PCDHGA6: variants seen among roughly 807,000 people sequenced by gnomAD.
PCDHGA6 encodes protocadherin gamma-A6.
A neutral mutation model predicts 60.6 loss-of-function variants in PCDHGA6; 41 were observed. That is an observed-to-expected ratio of 0.68 (90% CI 0.53 to 0.88). The LOEUF is 0.88. Ranked by LOEUF, PCDHGA6 falls within the 40% of genes least tolerant of loss-of-function variation. The pLI, the probability that PCDHGA6 is intolerant of heterozygous loss-of-function variation, is 0.00. For missense variants in PCDHGA6, 1,312 were observed against 1,203.0 expected, an observed-to-expected ratio of 1.09 and a Z score of -1.34; for synonymous variants, 594 against 524.4, an observed-to-expected ratio of 1.13 and a Z score of -1.81.
intron 1 of PCDHGA6, among the ~76,000 whole-genome samples, chr5:141,459,613 C>T (rs1040874685): frequency 2.6e-5 from 4 of 152,188 alleles, no homozygotes; most frequent in African/African-American, 9.7e-5. Context: ...ATATGCTTAA[C>T]TTTATAAGAA....
intron 1 of PCDHGA6, chr5:141,379,119 T>G (rs1179184154): frequency 6.6e-6 from 1 of 152,346 alleles, no homozygotes; most frequent in Admixed American, 6.5e-5. Flanking sequence ...AGAAGATACC[T>G]TGAAAATAAA....
intron 1 of PCDHGA6, among the ~76,000 whole-genome samples, chr5:141,439,495 C>A (rs142329128): frequency 6.6e-6 from 1 of 152,206 alleles, no homozygotes; most frequent in Non-Finnish European, 1.5e-5. Context: ...CAGTGAGAAA[C>A]GTCTTTCTCT....
intron 2 of PCDHGA6, 70 bp downstream of exon 2, chr5:141,494,935 G>T (rs1456805368): frequency 2.5e-6 from 4 of 1,612,364 alleles, no homozygotes; most frequent in African/African-American, 1.3e-5. Context: ...GGGAGGAGAT[G>T]GGGGAGGGCC....
At chr5:141,458,907 A>AT (rs759653270) in intron 1 of PCDHGA6, among the ~76,000 whole-genome samples, 1 of 151,752 alleles carries the variant, frequency 6.6e-6, no homozygotes, top group Non-Finnish European at 1.5e-5. Context: ...AATTTTTTCT[A>AT]TTTTTTGTGG....
In PCDHGA6 at chr5:141,490,108, C is replaced by A; in HGVS notation, c.2425-4699C>A. The A allele has an allele frequency of 6.2e-7, 1 of 1,614,244 alleles. No homozygotes were observed. The highest frequency in any genetic ancestry group is 8.5e-7 in the Non-Finnish European group (1 of 1,180,034). On this transcript the variant is annotated intron_variant, in intron 1 of 3. Transcript: ENST00000517434. This position sits in a 1 kb window ranked among gnomAD's most constrained non-coding sequence, Gnocchi z 5.4. The stretch of plus-strand genomic sequence containing the variant: ...TGGAGACCACACATCTGAGGCAGTG[C>A]GGAACCTCTTTGGCCTAGACCCTAG...
intron 1 of PCDHGA6, chr5:141,417,389 A>C (rs578088616): frequency 2.5e-4 from 39 of 154,566 alleles, no homozygotes; most frequent in Admixed American, 4.5e-4. Flanking sequence ...ATTTTGAAGA[A>C]AAAATATTCA....
rs779735897 is a variant in PCDHGA6 at position 141,422,336 on chromosome 5, TA to T, written c.2424+45832del. 34 of 1,550,032 alleles carry T rather than the reference TA, an allele frequency of 2.2e-5. No individual in the cohort carries two copies. The East Asian group carries it at 7.2e-4, about 33-fold the overall frequency. On this transcript the variant is annotated intron_variant, in intron 1 of 3. Coordinates refer to ENST00000517434, the MANE Select transcript of PCDHGA6 (RefSeq NM_018919.3). ...CCTCCAGGTACAGTGATTGCTCTTC[TA>T]AATGTGCAAGATCAAGATTCTGGAG... is the stretch of plus-strand genomic sequence containing the variant.
At chr5:141,423,346 G>T in intron 1 of PCDHGA6, 1 of 1,614,214 alleles carries the variant, frequency 6.2e-7, no homozygotes, top group South Asian at 1.1e-5. Context: ...CATCTTCCTG[G>T]TCTTTGTCAT....
At chr5:141,498,105 G>A (rs150297456) in intron 2 of PCDHGA6, among the ~76,000 whole-genome samples, 4 of 152,206 alleles carry the variant, frequency 2.6e-5, no homozygotes, top group African/African-American at 9.7e-5. Flanking sequence ...TGGTGTGGGC[G>A]TATAATAGGG....
At position 141,375,309 on chromosome 5, in the gene PCDHGA6, C is replaced by T; in HGVS notation, c.1226C>T (p.Ala409Val). Residue 409 changes from alanine (A) to valine (V), a missense_variant, in exon 1 of 4, where the codon GCT becomes GTT. Transcript: ENST00000517434. ...TATTATCGATTAGTGACAAATGCAG[C>T]TCTAGACCGGGAAGAGGTATTCTTG... ...GNYYRLVTNA[A>V]LDREEVFLYN... The T allele has an allele frequency of 1.9e-6, 3 of 1,613,840 alleles. No homozygotes were observed. The highest frequency in any genetic ancestry group is 2.5e-6 in the Non-Finnish European group (3 of 1,179,894).
chr5:141,382,893 G>A (rs1778536520), intron 1 of PCDHGA6: 1 of 1,534,786 alleles, frequency 6.5e-7, no homozygotes, highest in African/African-American at 1.4e-5. Flanking sequence ...AGAGAAGCAG[G>A]ACGACTATGG....
chr5:141,470,550 A>G (rs899475300), intron 1 of PCDHGA6, among the ~76,000 whole-genome samples: 1 of 152,120 alleles, frequency 6.6e-6, no homozygotes, highest in Non-Finnish European at 1.5e-5. Flanking sequence ...ATTTATTGAG[A>G]GTTTCCTCTG....
intron 1 of PCDHGA6, chr5:141,387,632 C>T (rs1345144425): frequency 3.4e-6 from 2 of 586,890 alleles, no homozygotes; most frequent in Non-Finnish European, 5.9e-6. Context: ...ACTCTGGGCG[C>T]CGCTGTTGGC....
intron 1 of PCDHGA6, chr5:141,403,432 G>A: frequency 1.2e-6 from 2 of 1,614,018 alleles, no homozygotes; most frequent in Non-Finnish European, 1.7e-6. Flanking sequence ...CTATTGATCC[G>A]GATGTTGGCG....
chr5:141,405,215 C>T, intron 1 of PCDHGA6: 1 of 1,614,078 alleles, frequency 6.2e-7, no homozygotes, highest in Non-Finnish European at 8.5e-7. Flanking sequence ...GACCTATTCT[C>T]AGGAGTTCTC....
Position 141,419,336 on chromosome 5 carries a change from G to A in PCDHGA6, c.2424+42829G>A, listed in dbSNP as rs762064534. 6.8e-6 allele frequency: 11 copies of A among 1,613,772 alleles called. No individual in the cohort carries two copies. In the African/African-American group the frequency reaches 1.3e-4, roughly 20 times the overall value. ...CGGCCGTGTCTCCTACTCTCTCATT[G>A]CCAGCGACCTGGAGTCACGAACGCT... On this transcript the variant is annotated intron_variant, in intron 1 of 3. Coordinates refer to ENST00000517434, the MANE Select transcript of PCDHGA6 (RefSeq NM_018919.3).
chr5:141,410,345 C>T, intron 1 of PCDHGA6: 1 of 1,614,040 alleles, frequency 6.2e-7, no homozygotes, highest in Non-Finnish European at 8.5e-7. Flanking sequence ...TGCCTTGCGC[C>T]TGCGACGCTC....
At chr5:141,419,086 C>G (rs2096324558) in intron 1 of PCDHGA6, 1 of 1,613,808 alleles carries the variant, frequency 6.2e-7, no homozygotes, top group African/African-American at 1.3e-5. Context: ...CAGATGAGGC[C>G]CTGGATCGGG....
chr5:141,438,063 A>T (rs540817874), intron 1 of PCDHGA6, among the ~76,000 whole-genome samples: 1 of 152,106 alleles, frequency 6.6e-6, no homozygotes, highest in Non-Finnish European at 1.5e-5. Context: ...CTTTTAAGAA[A>T]CCATACTTAA....
Sources: allele counts gnomAD v4.1 joint callset (sites outside exome capture counted in the v4.1 genomes callset), GRCh38; gene constraint gnomAD v4.1.1; non-coding constraint Gnocchi (gnomAD v3.1); transcripts MANE v1.5; gene names NCBI Gene and HGNC (gene_info 2026-07-23, HGNC 2026-07-21).